The following CHID1 variants were observed in gnomAD, a reference collection of about 807,000 sequenced individuals.
CHID1 encodes chitinase domain-containing protein 1.
CHID1 carries 44 observed loss-of-function variants against 55.4 expected under a neutral mutation model. The ratio of observed to expected loss-of-function variants is 0.79; its 90% CI spans 0.62 to 1.02. CHID1 has a LOEUF of 1.02. CHID1 is among the 50% of genes least tolerant of loss of function. CHID1 has a pLI of 0.00. For synonymous variants in CHID1, 216 were observed against 212.9 expected, an observed-to-expected ratio of 1.01 and a Z score of -0.13; for missense variants, 491 against 515.3, an observed-to-expected ratio of 0.95 and a Z score of 0.46.
At chr11:871,825 C>CTGG (rs144177773) in intron 10 of CHID1, among the ~76,000 whole-genome samples, 24 of 2,550 alleles carry the variant, frequency 9.4e-3, no homozygotes, top group Non-Finnish European at 0.092. Context: ...GGCCACAGGA[C>CTGG]CGCACCTCGA....
At chr11:870,553 A>G in intron 10 of CHID1, 54 bp from the exon 11 acceptor site, 1 of 1,281,940 alleles carries the variant, frequency 7.8e-7, no homozygotes, top group Non-Finnish European at 1.1e-6. Flanking sequence ...CCACAGCCCC[A>G]CCCTGTACCC....
intron 1 of CHID1, among the ~76,000 whole-genome samples, chr11:910,165 C>A (rs1852552630): frequency 6.6e-6 from 1 of 151,428 alleles, no homozygotes; most frequent in Admixed American, 6.6e-5. Flanking sequence ...GGCGGACGGG[C>A]GGGCGGGTCA....
intron 7 of CHID1, among the ~76,000 whole-genome samples, chr11:894,620 G>A (rs1334965995): frequency 6.6e-6 from 1 of 152,202 alleles, no homozygotes; most frequent in Non-Finnish European, 1.5e-5. Flanking sequence ...CCCCATCTGG[G>A]GAGGAGACCC....
chr11:883,422 G>C, intron 9 of CHID1, 119 bp from the exon 10 acceptor site: 1 of 1,083,934 alleles, frequency 9.2e-7, no homozygotes, highest in South Asian at 1.5e-5. Context: ...CCTCTAGAGA[G>C]TTGTAAAGAA....
At chr11:898,935 C>G (rs1851595921) in intron 7 of CHID1, among the ~76,000 whole-genome samples, 1 of 152,218 alleles carries the variant, frequency 6.6e-6, no homozygotes, top group Non-Finnish European at 1.5e-5. Context: ...TGCTCAGGGA[C>G]ACCCCCAGGA....
Position 883,318 on chromosome 11 carries a change from G to A in CHID1, c.804-15C>T. 6.3e-7 allele frequency: 1 copy of A among 1,599,434 alleles called. No individual in the cohort carries two copies. Among genetic ancestry groups the A allele is most frequent in the Non-Finnish European group, 8.6e-7 (1 of 1,169,040 alleles). Reference sequence around the variant, plus strand: ...TAGGGCCAGGCCTGCAGGGCAAGGGGTGAGCGAGTTTCAGCAACAGGGAGG... The same window carrying A: ...TAGGGCCAGGCCTGCAGGGCAAGGGATGAGCGAGTTTCAGCAACAGGGAGG... On this transcript the variant is annotated splice_polypyrimidine_tract_variant and intron_variant, in intron 9 of 12. Coordinates refer to ENST00000323578, the MANE Select transcript of CHID1 (RefSeq NM_023947.4).
chr11:888,596 C>G (rs1005039335), intron 8 of CHID1, among the ~76,000 whole-genome samples: 2 of 152,242 alleles, frequency 1.3e-5, no homozygotes, highest in Non-Finnish European at 2.9e-5. Context: ...CTGCTCACAC[C>G]GAAAACACCA....
rs150322657 is a variant in CHID1 at position 903,088 on chromosome 11, C to T, written c.135G>A (p.Val45=). 3.6e-4 allele frequency: 584 copies of T among 1,612,288 alleles called. 4 individuals are homozygous for T. The African/African-American group carries it at 6.9e-3, about 19-fold the overall frequency. The change falls in exon 3 of 13, where the codon GTG becomes GTA. Residue 45 remains valine (V), a synonymous_variant. Transcript: ENST00000323578. ...LEKSQFSDKP[V]QDRGLVVTDL... is the part of the protein sequence containing the mutation. ...CCGTCACCACCAAACCCCGGTCTTGCACCGGCTTATCTGAAAACTGACTCT... is the reference window on the plus strand; with the variant it reads ...CCGTCACCACCAAACCCCGGTCTTGTACCGGCTTATCTGAAAACTGACTCT...
At chr11:876,390 G>A (rs1379247579) in intron 10 of CHID1, among the ~76,000 whole-genome samples, 1 of 152,190 alleles carries the variant, frequency 6.6e-6, no homozygotes, top group Non-Finnish European at 1.5e-5. Context: ...GGCTCAGGGA[G>A]GGGCTGGACA....
At chr11:886,770 G>GC (rs1850433101) in intron 8 of CHID1, among the ~76,000 whole-genome samples, 1 of 152,150 alleles carries the variant, frequency 6.6e-6, no homozygotes, top group African/African-American at 2.4e-5. Context: ...CCCACACAGA[G>GC]CCCCCCAGCT....
chr11:879,178 G>A (rs1365389018), intron 10 of CHID1, among the ~76,000 whole-genome samples: 1 of 152,170 alleles, frequency 6.6e-6, no homozygotes, highest in Admixed American at 6.5e-5. Flanking sequence ...TTTTAGTAGA[G>A]ACGGGGTTTC....
At chr11:896,142 C>G (rs893804285) in intron 7 of CHID1, among the ~76,000 whole-genome samples, 19 of 141,082 alleles carry the variant, frequency 1.3e-4, no homozygotes, top group Middle Eastern at 7.8e-3. Context: ...ACCCCAGACA[C>G]GAGCCTGTCT....
At chr11:902,865 C>A in intron 3 of CHID1, 97 bp downstream of exon 3, 1 of 1,149,406 alleles carries the variant, frequency 8.7e-7, no homozygotes, top group Non-Finnish European at 1.3e-6. Flanking sequence ...AGAACATAGA[C>A]CCCCATCACT....
At chr11:912,741 G>A (rs1488793222), upstream of CHID1, among the ~76,000 whole-genome samples, 1 of 151,676 alleles carries the variant, frequency 6.6e-6, no homozygotes, top group Admixed American at 6.6e-5. Flanking sequence ...CTACTTGGGA[G>A]GCTGAGACAG....
intron 5 of CHID1, among the ~76,000 whole-genome samples, chr11:900,616 T>C (rs1015347327): frequency 6.6e-6 from 1 of 151,994 alleles, no homozygotes; most frequent in Non-Finnish European, 1.5e-5. Context: ...GCCCAGGGCT[T>C]GGCCCCAGCT....
rs1589822589 is a variant in CHID1, at chr11:875,847, C to T, written c.960-5348G>A. On this transcript the variant is annotated intron_variant, in intron 10 of 12. Transcript: ENST00000323578. This position sits in a 1 kb window ranked among gnomAD's most constrained non-coding sequence, Gnocchi z 4.7. ...TGCCGGCCTCCCAGACGTCCCCTGG[C>T]GGGTGACAGACAGGATGAAGGAACG... Among the ~76,000 whole-genome samples, 1 of 152,070 alleles carries T rather than the reference C, an allele frequency of 6.6e-6. No individual in the cohort carries two copies. The highest frequency in any genetic ancestry group is 6.6e-5 in the Admixed American group (1 of 15,264).
intron 1 of CHID1, among the ~76,000 whole-genome samples, chr11:907,304 A>AC (rs1421165715): frequency 1.3e-5 from 2 of 152,032 alleles, no homozygotes; most frequent in Admixed American, 6.6e-5. Context: ...ACACGGTGAA[A>AC]CCCCATCTCT....
upstream of CHID1, among the ~76,000 whole-genome samples, chr11:913,396 C>A (rs368340958): frequency 6.6e-6 from 1 of 152,094 alleles, no homozygotes; most frequent in African/African-American, 2.4e-5. Flanking sequence ...TGAAAAGAGG[C>A]TTCATTTATA....
upstream of CHID1, among the ~76,000 whole-genome samples, chr11:913,190 T>A (rs1301139961): frequency 6.7e-6 from 1 of 148,472 alleles, no homozygotes; most frequent in Non-Finnish European, 1.5e-5. Context: ...GGTTTCACTC[T>A]GTCACCCAGG....
Sources: allele counts gnomAD v4.1 joint callset (sites outside exome capture counted in the v4.1 genomes callset), GRCh38; gene constraint gnomAD v4.1.1; non-coding constraint Gnocchi (gnomAD v3.1); transcripts MANE v1.5; gene names NCBI Gene and HGNC (gene_info 2026-07-23, HGNC 2026-07-21).